CCSER1: variants seen among roughly 807,000 people sequenced by gnomAD.
CCSER1 encodes coiled-coil serine rich protein 1.
Under a neutral mutation model 82.0 loss-of-function variants are expected in CCSER1, and 41 were observed. The observed-to-expected ratio is 0.50, with a 90% CI of 0.39 to 0.65. CCSER1 has a LOEUF of 0.65. Ranked by LOEUF, CCSER1 falls within the 30% of genes least tolerant of loss-of-function variation. The probability of loss-of-function intolerance (pLI) is 0.00; values close to 1 mark genes in which losing one functional copy is unlikely to be tolerated. For missense variants in CCSER1, 1,119 were observed against 1,064.2 expected (o/e 1.05, Z -0.72); for synonymous variants, 414 against 383.9 (o/e 1.08, Z -0.92).
intron 10 of CCSER1, among the ~76,000 whole-genome samples, chr4:91,210,441 G>A (rs1157717083): frequency 1.3e-5 from 2 of 151,058 alleles, no homozygotes; most frequent in Non-Finnish European, 3.0e-5. Flanking sequence ...TAAAAAAAGA[G>A]TTACAGTACT....
intron 7 of CCSER1, among the ~76,000 whole-genome samples, chr4:90,736,737 A>C (rs539961919): frequency 6.6e-6 from 1 of 150,916 alleles, no homozygotes; most frequent in Non-Finnish European, 1.5e-5. Flanking sequence ...ACTCCTACTT[A>C]CTCCTATTTT....
At chr4:91,213,806 T>C (rs1214197116) in intron 10 of CCSER1, among the ~76,000 whole-genome samples, 1 of 152,188 alleles carries the variant, frequency 6.6e-6, no homozygotes, top group Non-Finnish European at 1.5e-5. Context: ...CCCTATTCCC[T>C]ATATCACTGG....
chr4:91,448,040 A>C (rs969476278), intron 10 of CCSER1, among the ~76,000 whole-genome samples: 1 of 152,116 alleles, frequency 6.6e-6, no homozygotes, highest in Non-Finnish European at 1.5e-5. Context: ...AAAGTTTTAC[A>C]TAGGCAAGTT....
chr4:90,574,683 A>G lies in CCSER1; in HGVS notation c.1725-53342A>G, dbSNP rs145714726. Among the ~76,000 whole-genome samples, 143 of 152,144 alleles carry G rather than the reference A, an allele frequency of 9.4e-4. 1 individual carries two copies. Among genetic ancestry groups the G allele is most frequent in the Non-Finnish European group, 2.6e-4 (18 of 67,980 alleles). On this transcript the variant is annotated intron_variant, in intron 5 of 10. Transcript: ENST00000509176. ...CAGAACTCAGCACAATTCTCGGTGC[A>G]TAAAAGGCACTCAGTAAATATCTTC...
Position 91,277,222 on chromosome 4 carries a change from G to T in CCSER1, c.2217+191228G>T, listed in dbSNP as rs138052189. ...ATTTTTGAATAGTTTCAGAAGAATT[G>T]GTATAAGTTCTTAGAAAGTTTCGTA... is the stretch of plus-strand genomic sequence containing the variant. On this transcript the variant is annotated intron_variant, in intron 10 of 10. Transcript: ENST00000509176. Among the ~76,000 whole-genome samples the T allele has an allele frequency of 1.5e-3, 232 of 152,080 alleles. 1 individual carries two copies. Among genetic ancestry groups the T allele is most frequent in the African/African-American group, 5.2e-3 (217 of 41,530 alleles).
At chr4:90,900,688 G>A (rs1029181780) in intron 8 of CCSER1, among the ~76,000 whole-genome samples, 1 of 151,860 alleles carries the variant, frequency 6.6e-6, no homozygotes, top group East Asian at 1.9e-4. Context: ...TTCTTTGAAT[G>A]TGTTGAGAAT....
chr4:90,921,307 A>T lies in CCSER1; in HGVS notation c.2095-2063A>T, dbSNP rs554831373. ...ATTAAGCTAAAAATATTTAATTCTTAATTATTGTACCTAAGTCTATAGGAA... is the reference window on the plus strand; with the variant it reads ...ATTAAGCTAAAAATATTTAATTCTTTATTATTGTACCTAAGTCTATAGGAA... On this transcript the variant is annotated intron_variant, in intron 8 of 10. Coordinates refer to ENST00000509176, the MANE Select transcript of CCSER1 (RefSeq NM_001145065.2). 4.5e-4 allele frequency among the ~76,000 whole-genome samples: 51 copies of T among 113,282 alleles called. 3 individuals are homozygous for T. The South Asian group carries it at 9.4e-3, about 21-fold the overall frequency. The allele number at this position is 113,282 out of a possible 152,430, so 74.3% of individuals were successfully genotyped here. A position where few individuals can be genotyped will look rare whatever the true frequency, so the allele number is the denominator to read the frequency against.
intron 8 of CCSER1, among the ~76,000 whole-genome samples, chr4:90,851,649 G>C (rs1218548409): frequency 6.7e-6 from 1 of 148,594 alleles, no homozygotes; most frequent in East Asian, 2.0e-4. Context: ...TTCTAAAGAA[G>C]AGGTGTACAG....
chr4:90,494,508 T>G (rs1425331248), intron 5 of CCSER1, among the ~76,000 whole-genome samples: 9 of 152,022 alleles, frequency 5.9e-5, no homozygotes, highest in African/African-American at 2.2e-4. Flanking sequence ...TGACTACATA[T>G]TTGGAAGTAA....
chr4:90,485,229 C>T (rs189314803), intron 5 of CCSER1, among the ~76,000 whole-genome samples: 209 of 152,268 alleles, frequency 1.4e-3, no homozygotes, highest in African/African-American at 4.7e-3. Context: ...TGGAAGAGCG[C>T]AGTATTAGGG....
chr4:90,825,247 C>A (rs1160996278), intron 8 of CCSER1, among the ~76,000 whole-genome samples: 2 of 152,100 alleles, frequency 1.3e-5, no homozygotes, highest in Non-Finnish European at 2.9e-5. Flanking sequence ...AATATTCCAC[C>A]ATATTGTGAT....
At chr4:91,582,109 G>A (rs1288246642) in intron 10 of CCSER1, among the ~76,000 whole-genome samples, 1 of 151,626 alleles carries the variant, frequency 6.6e-6, no homozygotes, top group African/African-American at 2.4e-5. Flanking sequence ...CTTTCTACTT[G>A]TATTATTGTA....
At chr4:90,491,880 G>A (rs1184790201) in intron 5 of CCSER1, among the ~76,000 whole-genome samples, 1 of 152,138 alleles carries the variant, frequency 6.6e-6, no homozygotes, top group Non-Finnish European at 1.5e-5. Flanking sequence ...CTTGATAATG[G>A]TTGATAAGCT....
At chr4:91,039,215 T>C (rs1345809546) in intron 9 of CCSER1, among the ~76,000 whole-genome samples, 1 of 151,038 alleles carries the variant, frequency 6.6e-6, no homozygotes, top group Non-Finnish European at 1.5e-5. Flanking sequence ...TTTCTTTCTT[T>C]TTTTTTTTAT....
At chr4:90,288,884 C>T (rs1054842915) in intron 1 of CCSER1, among the ~76,000 whole-genome samples, 1 of 151,846 alleles carries the variant, frequency 6.6e-6, no homozygotes, top group African/African-American at 2.4e-5. Flanking sequence ...ATGCATTGTT[C>T]AGTTTCTAAA....
intron 7 of CCSER1, among the ~76,000 whole-genome samples, chr4:90,778,794 T>C (rs1753324874): frequency 6.6e-6 from 1 of 152,126 alleles, no homozygotes; most frequent in Admixed American, 6.5e-5. Flanking sequence ...AAAAAACTCT[T>C]TATTAACTCT....
chr4:90,792,604 A>T (rs1387003317), intron 7 of CCSER1, among the ~76,000 whole-genome samples: 2 of 152,166 alleles, frequency 1.3e-5, no homozygotes, highest in Admixed American at 1.3e-4. Context: ...TCTTTTGATG[A>T]TGTGACAGAA....
intron 9 of CCSER1, among the ~76,000 whole-genome samples, chr4:91,038,514 G>A (rs1343125443): frequency 6.6e-6 from 1 of 152,160 alleles, no homozygotes; most frequent in African/African-American, 2.4e-5. Context: ...GGTGGTTGAA[G>A]TAATTTATTG....
intron 4 of CCSER1, among the ~76,000 whole-genome samples, chr4:90,462,350 G>A (rs925729426): frequency 6.6e-6 from 1 of 152,142 alleles, no homozygotes; most frequent in Non-Finnish European, 1.5e-5. Flanking sequence ...GAGCAGGAGG[G>A]AACTTTTGAC....
Sources: gnomAD v4.1 joint callset for allele counts (sites outside exome capture counted in the v4.1 genomes callset) on GRCh38, gnomAD v4.1.1 for gene constraint, MANE v1.5 for transcripts, NCBI Gene and HGNC (gene_info 2026-07-23, HGNC 2026-07-21) for gene names.